The following LIPC variants were observed in gnomAD, a reference collection of about 807,000 sequenced individuals.
LIPC encodes lipase C, hepatic type, also known as hepatic triacylglycerol lipase.
A neutral mutation model predicts 50.7 loss-of-function variants in LIPC; 44 were observed. The ratio of observed to expected loss-of-function variants is 0.87; its 90% CI spans 0.68 to 1.11. The LOEUF (loss-of-function observed/expected upper bound fraction) is 1.11, where lower values mean the gene tolerates loss of function less well. Ranked by LOEUF, LIPC falls within the 50% of genes most tolerant of loss-of-function variation. The pLI is 0.00. For synonymous variants in LIPC, 271 were observed against 256.4 expected (o/e 1.06, Z -0.54); for missense variants, 697 against 648.2 (o/e 1.08, Z -0.82).
chr15:58,517,604 C>T (rs1159227429), intron 1 of LIPC, among the ~76,000 whole-genome samples: 1 of 152,126 alleles, frequency 6.6e-6, no homozygotes, highest in African/African-American at 2.4e-5. Context: ...CAGGAAACAC[C>T]CTTTGTATAT....
At chr15:58,491,763 C>T (rs1356648097) in intron 1 of LIPC, among the ~76,000 whole-genome samples, 5 of 152,194 alleles carry the variant, frequency 3.3e-5, no homozygotes, top group African/African-American at 9.7e-5. Context: ...ACCAGAGGTA[C>T]AAAGCACTGG....
chr15:58,475,598 G>A (rs372457714), intron 1 of LIPC, among the ~76,000 whole-genome samples: 2 of 152,146 alleles, frequency 1.3e-5, no homozygotes, highest in East Asian at 1.9e-4. Context: ...ACTTACCCCT[G>A]TGCTCAGGCA....
intron 1 of LIPC, chr15:58,497,569 G>A (rs879560144): frequency 6.6e-6 from 1 of 151,884 alleles, no homozygotes; most frequent in Non-Finnish European, 1.5e-5. Context: ...CCTCCCTCCT[G>A]GAAGCAATGT....
At chr15:58,563,460 G>C in intron 7 of LIPC, 45 bp from the exon 8 acceptor site, 2 of 1,509,176 alleles carry the variant, frequency 1.3e-6, no homozygotes, top group Non-Finnish European at 1.8e-6. Context: ...TCACTTTGCT[G>C]TTACGACTAA....
chr15:58,442,176 T>C (rs1893530161), intron 1 of LIPC, among the ~76,000 whole-genome samples: 1 of 152,146 alleles, frequency 6.6e-6, no homozygotes, highest in African/African-American at 2.4e-5. Flanking sequence ...ACATTCTGGG[T>C]GTGAATGGGA....
At chr15:58,492,500 T>A (rs1339498781) in intron 1 of LIPC, among the ~76,000 whole-genome samples, 1 of 152,158 alleles carries the variant, frequency 6.6e-6, no homozygotes, top group Non-Finnish European at 1.5e-5. Flanking sequence ...TGAACTATCA[T>A]TGAATTTCGT....
rs1595890907 is a variant in LIPC, at chr15:58,489,110, C to T, written c.89-49223C>T. Among the ~76,000 whole-genome samples, 4 of 151,202 alleles carry T rather than the reference C, an allele frequency of 2.6e-5. No homozygotes were observed. The Admixed American group carries it at 2.7e-4, about 10-fold the overall frequency. ...GAGCTGACCTTACAGATAAGCTGAA[C>T]AGATGGTTGCCTCCATGGTAGTATT... On this transcript the variant is annotated intron_variant, in intron 1 of 8. Transcript: ENST00000299022.
At chr15:58,452,942 G>A (rs185776246) in intron 1 of LIPC, among the ~76,000 whole-genome samples, 56 of 152,368 alleles carry the variant, frequency 3.7e-4, no homozygotes, top group Non-Finnish European at 7.1e-4. Context: ...TGTGGATGTG[G>A]TTTTCTGAGG....
At chr15:58,436,714 G>A in intron 1 of LIPC, 1 of 456,286 alleles carries the variant, frequency 2.2e-6, no homozygotes, top group Non-Finnish European at 4.4e-6. Flanking sequence ...AGGACCATGA[G>A]AGAGGAATGA....
At chr15:58,538,576 T>C in intron 2 of LIPC, 59 bp downstream of exon 2, 1 of 1,524,836 alleles carries the variant, frequency 6.6e-7, no homozygotes, top group East Asian at 2.3e-5. Context: ...TTTTTCTTTC[T>C]AGCGTGTTCA....
chr15:58,553,291 C>A (rs949984350), intron 6 of LIPC, among the ~76,000 whole-genome samples: 2 of 152,196 alleles, frequency 1.3e-5, no homozygotes. Context: ...CAGCAACAGA[C>A]CCCCACAGAA....
chr15:58,525,278 G>C (rs1202885717), intron 1 of LIPC, among the ~76,000 whole-genome samples: 1 of 152,222 alleles, frequency 6.6e-6, no homozygotes, highest in Non-Finnish European at 1.5e-5. Context: ...ATGCATTTGA[G>C]TGTTCTGGGT....
intron 1 of LIPC, among the ~76,000 whole-genome samples, chr15:58,488,097 C>A (rs1198911446): frequency 6.6e-6 from 1 of 152,212 alleles, no homozygotes; most frequent in Non-Finnish European, 1.5e-5. Context: ...ATGGAAAACC[C>A]CCATTTCTAC....
chr15:58,501,439 A>T (rs1284691439), intron 1 of LIPC, among the ~76,000 whole-genome samples: 1 of 149,800 alleles, frequency 6.7e-6, no homozygotes, highest in Non-Finnish European at 1.5e-5. Context: ...TTGATGACAG[A>T]TCTTCTCCTA....
chr15:58,515,623 T>C (rs1332644656), intron 1 of LIPC, among the ~76,000 whole-genome samples: 1 of 151,726 alleles, frequency 6.6e-6, no homozygotes, highest in Non-Finnish European at 1.5e-5. Context: ...GCCAATCCCC[T>C]TATTCTATAA....
intron 8 of LIPC, 84 bp downstream of exon 8, chr15:58,563,807 T>C: frequency 9.2e-7 from 1 of 1,089,190 alleles, no homozygotes; most frequent in Non-Finnish European, 1.4e-6. Flanking sequence ...CTCACATTCA[T>C]CATGTGAGGT....
At chr15:58,559,447 T>C (rs1464438239) in intron 6 of LIPC, among the ~76,000 whole-genome samples, 2 of 152,158 alleles carry the variant, frequency 1.3e-5, no homozygotes, top group Non-Finnish European at 2.9e-5. Flanking sequence ...AAATCCCTTA[T>C]CCTTTTCCCA....
At chr15:58,440,495 G>A (rs1348158702) in intron 1 of LIPC, among the ~76,000 whole-genome samples, 1 of 152,220 alleles carries the variant, frequency 6.6e-6, no homozygotes, top group Non-Finnish European at 1.5e-5. Flanking sequence ...ACTGTCCGCT[G>A]TGTACCAGGC....
intron 4 of LIPC, among the ~76,000 whole-genome samples, 180 bp from the exon 5 acceptor site, chr15:58,545,562 T>A (rs1342278438): frequency 6.6e-6 from 1 of 152,238 alleles, no homozygotes; most frequent in Non-Finnish European, 1.5e-5. Flanking sequence ...GTTAGCACCA[T>A]GAACTACTGT....
Sources: allele counts gnomAD v4.1 joint callset (sites outside exome capture counted in the v4.1 genomes callset), GRCh38; gene constraint gnomAD v4.1.1; transcripts MANE v1.5; gene names NCBI Gene and HGNC (gene_info 2026-07-23, HGNC 2026-07-21).